ITPR1: variants seen among roughly 807,000 people sequenced by gnomAD.
ITPR1 encodes inositol 1,4,5-trisphosphate receptor type 1, also known as inositol 1,4,5-trisphosphate-gated calcium channel ITPR1.
A neutral mutation model predicts 318.4 loss-of-function variants in ITPR1; 96 were observed. That is an observed-to-expected ratio of 0.30 (90% CI 0.26 to 0.36). The LOEUF (loss-of-function observed/expected upper bound fraction) is 0.36, where lower values mean the gene tolerates loss of function less well. Among genes scored for constraint, ITPR1 ranks in the 10% least tolerant of loss-of-function variants. The pLI, the probability that ITPR1 is intolerant of heterozygous loss-of-function variation, is 1.00. For synonymous variants in ITPR1, 1,312 were observed against 1,289.9 expected (o/e 1.02, Z -0.37); for missense variants, 2,440 against 3,460.2 (o/e 0.71, Z 7.40).
At chr3:4,708,009 T>C (rs1457735824) in intron 37 of ITPR1, among the ~76,000 whole-genome samples, 1 of 152,008 alleles carries the variant, frequency 6.6e-6, no homozygotes, top group Non-Finnish European at 1.5e-5. Context: ...GAGGGACAAG[T>C]GAGAAGTGCA....
intron 52 of ITPR1, among the ~76,000 whole-genome samples, chr3:4,792,269 T>A (rs1289737798): frequency 1.3e-5 from 2 of 152,198 alleles, no homozygotes; most frequent in Non-Finnish European, 1.5e-5. Context: ...CCCCTTTTGC[T>A]AGGTTAGGTA....
At chr3:4,821,303 C>T (rs1042866551) in intron 60 of ITPR1, among the ~76,000 whole-genome samples, 4 of 152,206 alleles carry the variant, frequency 2.6e-5, no homozygotes, top group African/African-American at 9.7e-5. Flanking sequence ...TCTCCTTTAG[C>T]CCATGGTTGA....
chr3:4,526,139 G>A (rs559629437), intron 4 of ITPR1, among the ~76,000 whole-genome samples: 2 of 152,298 alleles, frequency 1.3e-5, no homozygotes, highest in African/African-American at 4.8e-5. Context: ...TCTTGATGTT[G>A]GACAGATGTT....
At position 4,710,150 on chromosome 3, in the gene ITPR1, A is replaced by C. The variant is rs1387856340; in HGVS notation, c.4843-175A>C. Among the ~76,000 whole-genome samples the C allele has an allele frequency of 6.6e-6, 1 of 152,196 alleles. No individual in the cohort carries two copies. Among genetic ancestry groups the C allele is most frequent in the South Asian group, 2.1e-4 (1 of 4,832 alleles). ...CACTTTGTTTTCTGCATCAGAGGCT[A>C]ATGTTTCAGGTAACCATTGGGCAAT... is the stretch of plus-strand genomic sequence containing the variant. On this transcript the variant is annotated intron_variant, in intron 37 of 61. Transcript: ENST00000649015. This position sits in a 1 kb window ranked among gnomAD's most constrained non-coding sequence, Gnocchi z 4.2.
rs746028919 is a variant in ITPR1 at position 4,846,145 on chromosome 3, G to C, written c.8197G>C (p.Glu2733Gln). 6.4e-7 allele frequency: 1 copy of C among 1,557,562 alleles called. No individual in the cohort carries two copies. Among genetic ancestry groups the C allele is most frequent in the Non-Finnish European group, 8.7e-7 (1 of 1,149,550 alleles). ...QLSELKDQMT[E>Q]QRKQKQRIGL... ...AAACTTTTTAACTTTCCAGATGACA[G>C]AACAAAGGAAGCAGAAACAAAGAAT... is the stretch of plus-strand genomic sequence containing the variant. The change falls in exon 62 of 62, where the codon GAA becomes CAA. Residue 2733 changes from glutamate to glutamine, a missense_variant. By Grantham distance (29) the Glu-to-Gln change is conservative. Transcript: ENST00000649015.
intron 4 of ITPR1, among the ~76,000 whole-genome samples, chr3:4,530,987 C>A (rs796677534): frequency 6.6e-5 from 10 of 152,272 alleles, no homozygotes; most frequent in African/African-American, 1.9e-4. Context: ...TAAGTACCTT[C>A]CTCCTTTGTG....
At chr3:4,599,009 CTT>C (rs76398324) in intron 4 of ITPR1, among the ~76,000 whole-genome samples, 3 of 141,752 alleles carry the variant, frequency 2.1e-5, no homozygotes, top group Non-Finnish European at 3.1e-5. Flanking sequence ...TACTGATGAG[CTT>C]TTTTTTTTTT....
At chr3:4,577,559 T>G (rs989318935) in intron 4 of ITPR1, among the ~76,000 whole-genome samples, 1 of 152,172 alleles carries the variant, frequency 6.6e-6, no homozygotes, top group East Asian at 1.9e-4. Context: ...GTTGATCAAC[T>G]GATTTGTATT....
chr3:4,813,037 T>TAAAG, intron 56 of ITPR1, 105 bp from the exon 57 acceptor site: 1 of 816,558 alleles, frequency 1.2e-6, no homozygotes. Flanking sequence ...TTCTAGGGTG[T>TAAAG]TATTTATGTA....
chr3:4,638,630 C>T (rs116392657), intron 5 of ITPR1, among the ~76,000 whole-genome samples: 2,368 of 152,186 alleles, frequency 0.016, 65 homozygotes, highest in African/African-American at 0.054. Context: ...CATTATTAAG[C>T]GAAGATTTAA....
chr3:4,525,464 GT>G (rs2082903906), intron 4 of ITPR1, among the ~76,000 whole-genome samples: 1 of 152,110 alleles, frequency 6.6e-6, no homozygotes, highest in Non-Finnish European at 1.5e-5. Flanking sequence ...GTGTGTGTGT[GT>G]GATTTCCTTG....
intron 44 of ITPR1, among the ~76,000 whole-genome samples, chr3:4,740,810 TTCC>T (rs1367827696): frequency 1.3e-5 from 2 of 152,184 alleles, no homozygotes; most frequent in Non-Finnish European, 2.9e-5. Flanking sequence ...CCCGTGGATT[TTCC>T]AGAAACGGGT....
chr3:4,583,577 A>G (rs113777097), intron 4 of ITPR1, among the ~76,000 whole-genome samples: 30 of 152,280 alleles, frequency 2.0e-4, no homozygotes, highest in African/African-American at 5.8e-4. Context: ...TCACATTTCT[A>G]TCATCCAGCT....
chr3:4,549,651 G>A (rs1385713636), intron 4 of ITPR1, among the ~76,000 whole-genome samples: 1 of 152,010 alleles, frequency 6.6e-6, no homozygotes, highest in African/African-American at 2.4e-5. Context: ...TGAAAAGTGG[G>A]GCTGCCGTCC....
chr3:4,548,757 C>G (rs1002673604), intron 4 of ITPR1, among the ~76,000 whole-genome samples: 1 of 152,164 alleles, frequency 6.6e-6, no homozygotes, highest in African/African-American at 2.4e-5. Context: ...CAATTTTAAT[C>G]TGAAATAACT....
chr3:4,607,940 C>G (rs1432269768), intron 4 of ITPR1, among the ~76,000 whole-genome samples: 2 of 152,134 alleles, frequency 1.3e-5, no homozygotes, highest in African/African-American at 2.4e-5. Flanking sequence ...TACACCTTAG[C>G]AGAATTCAGG....
At chr3:4,582,708 C>T (rs2089481592) in intron 4 of ITPR1, among the ~76,000 whole-genome samples, 1 of 152,186 alleles carries the variant, frequency 6.6e-6, no homozygotes, top group African/African-American at 2.4e-5. Flanking sequence ...CTCTTTATGG[C>T]TGTGAAAGTG....
rs540659874 is a variant in ITPR1 at position 4,834,141 on chromosome 3, C to A, written c.8029-2633C>A. Reference sequence around the variant, plus strand: ...CTTCTGGCCTCATGCTATCCACCCACCTCGGCCTCCCAAAGCACTGGGATT... The same window carrying A: ...CTTCTGGCCTCATGCTATCCACCCAACTCGGCCTCCCAAAGCACTGGGATT... On this transcript the variant is annotated intron_variant, in intron 60 of 61. Transcript: ENST00000649015. 2.6e-5 allele frequency among the ~76,000 whole-genome samples: 4 copies of A among 152,310 alleles called. No individual in the cohort carries two copies. The South Asian group carries it at 8.3e-4, about 32-fold the overall frequency.
At chr3:4,795,981 T>C (rs1037979673) in intron 53 of ITPR1, among the ~76,000 whole-genome samples, 1 of 152,144 alleles carries the variant, frequency 6.6e-6, no homozygotes, top group African/African-American at 2.4e-5. Context: ...TTTTGGCAGA[T>C]CACCTCACAT....
Sources: allele counts gnomAD v4.1 joint callset (sites outside exome capture counted in the v4.1 genomes callset), GRCh38; gene constraint gnomAD v4.1.1; non-coding constraint Gnocchi (gnomAD v3.1); transcripts MANE v1.5; gene names NCBI Gene and HGNC (gene_info 2026-07-23, HGNC 2026-07-21).